Variants in LPCAT2 observed in about 807,000 individuals in gnomAD.
The protein encoded by LPCAT2 is 1-AGP acyltransferase 11.
LPCAT2 carries 58 observed loss-of-function variants against 64.7 expected under a neutral mutation model. The ratio of observed to expected loss-of-function variants is 0.90; its 90% confidence interval spans 0.73 to 1.12. LPCAT2 has a LOEUF of 1.12. LPCAT2 is among the 50% of genes most tolerant of loss of function. LPCAT2 has a pLI of 0.00. For synonymous variants in LPCAT2, 252 were observed against 245.3 expected (o/e 1.03, Z -0.26); for missense variants, 579 against 669.8 (o/e 0.86, Z 1.50).
At chr16:55,579,534 A>G (rs1963866781) in intron 13 of LPCAT2, among the ~76,000 whole-genome samples, 1 of 152,310 alleles carries the variant, frequency 6.6e-6, no homozygotes, top group South Asian at 2.1e-4. Context: ...CTAAGATACA[A>G]AGACTTTAAG....
intron 1 of LPCAT2, among the ~76,000 whole-genome samples, chr16:55,514,461 C>A (rs1205794981): frequency 6.6e-6 from 1 of 152,154 alleles, no homozygotes; most frequent in South Asian, 2.1e-4. Context: ...TAATTATTAG[C>A]TGATTACTAA....
Position 55,542,923 on chromosome 16 carries a change from G to T in LPCAT2, c.853-2812G>T, listed in dbSNP as rs943118876. On this transcript the variant is annotated intron_variant, in intron 8 of 13. Transcript: ENST00000262134. ...GTGAGTAATGAGGATACTGAGAGAA[G>T]ATGAAGTTAGAAAGGAAAACTTGGG... Among the ~76,000 whole-genome samples, 5 of 152,290 alleles carry T rather than the reference G, an allele frequency of 3.3e-5. No homozygotes were observed. The South Asian group carries it at 1.0e-3, about 32-fold the overall frequency.
intron 13 of LPCAT2, among the ~76,000 whole-genome samples, chr16:55,580,306 A>G (rs1172523817): frequency 1.3e-5 from 2 of 152,314 alleles, no homozygotes; most frequent in East Asian, 1.9e-4. Context: ...GATGAAACTT[A>G]TGAGTCATAA....
At chr16:55,533,787 C>A (rs1162482471) in intron 6 of LPCAT2, among the ~76,000 whole-genome samples, 1 of 151,970 alleles carries the variant, frequency 6.6e-6, no homozygotes, top group Non-Finnish European at 1.5e-5. Context: ...TTGTTGTCCT[C>A]TAAATATTGA....
chr16:55,522,407 A>G (rs527289917), intron 1 of LPCAT2, among the ~76,000 whole-genome samples: 1 of 151,834 alleles, frequency 6.6e-6, no homozygotes, highest in Non-Finnish European at 1.5e-5. Flanking sequence ...ATTTCCTCCA[A>G]ATTGATCTGT....
At chr16:55,572,482 C>G (rs1270667878) in intron 11 of LPCAT2, among the ~76,000 whole-genome samples, 3 of 152,136 alleles carry the variant, frequency 2.0e-5, no homozygotes, top group Non-Finnish European at 2.9e-5. Context: ...AGCCATGGTT[C>G]AAGAAGCTCC....
intron 8 of LPCAT2, chr16:55,541,912 T>G (rs919423503): frequency 8.6e-6 from 11 of 1,285,108 alleles, no homozygotes; most frequent in Non-Finnish European, 1.1e-5. Flanking sequence ...TTTTTTCTCT[T>G]CGAAGATTTA....
intron 11 of LPCAT2, among the ~76,000 whole-genome samples, chr16:55,573,783 T>G (rs1375414618): frequency 6.6e-6 from 1 of 152,038 alleles, no homozygotes; most frequent in Non-Finnish European, 1.5e-5. Flanking sequence ...CTCTTTCTTT[T>G]TTAGTTCTCT....
At chr16:55,511,845 CTCTT>C (rs1322100158) in intron 1 of LPCAT2, among the ~76,000 whole-genome samples, 2 of 152,198 alleles carry the variant, frequency 1.3e-5, no homozygotes, top group African/African-American at 2.4e-5. Context: ...CTCATTCCAA[CTCTT>C]TCTTCAGGGT....
At chr16:55,529,649 T>A (rs995731058) in intron 3 of LPCAT2, among the ~76,000 whole-genome samples, 186 bp from the exon 4 acceptor site, 1 of 152,218 alleles carries the variant, frequency 6.6e-6, no homozygotes, top group South Asian at 2.1e-4. Context: ...ATTAATGAAA[T>A]GTTTTTAGTT....
intron 11 of LPCAT2, among the ~76,000 whole-genome samples, chr16:55,565,232 A>C (rs1963680018): frequency 6.6e-6 from 1 of 152,118 alleles, no homozygotes; most frequent in Non-Finnish European, 1.5e-5. Context: ...CATATGGAGT[A>C]ATTGGAACTC....
intron 8 of LPCAT2, chr16:55,538,984 GT>G: frequency 6.6e-6 from 1 of 151,986 alleles, no homozygotes; most frequent in South Asian, 2.1e-4. Flanking sequence ...GTCTAGGCCT[GT>G]TTCACTTTTC....
At chr16:55,548,480 T>C (rs1355083261) in intron 9 of LPCAT2, among the ~76,000 whole-genome samples, 2 of 152,156 alleles carry the variant, frequency 1.3e-5, no homozygotes, top group Non-Finnish European at 2.9e-5. Context: ...TTTGGATAGA[T>C]TGTTTACTTA....
At chr16:55,545,413 A>C (rs138551481) in intron 8 of LPCAT2, 217 of 205,136 alleles carry the variant, frequency 1.1e-3, no homozygotes, top group Non-Finnish European at 1.5e-3. Context: ...GAAAGATCTT[A>C]GTAGCTACAG....
chr16:55,574,773 C>G (rs1220208233), intron 12 of LPCAT2, 44 bp downstream of exon 12: 1 of 1,324,098 alleles, frequency 7.6e-7, no homozygotes, highest in Non-Finnish European at 1.1e-6. Context: ...GCCTTGTAAA[C>G]AAGTGTTGAC....
intron 1 of LPCAT2, among the ~76,000 whole-genome samples, chr16:55,521,151 G>A (rs2142393150): frequency 6.6e-6 from 1 of 151,792 alleles, no homozygotes; most frequent in East Asian, 1.9e-4. Context: ...CCAGTATCAA[G>A]AATGAAACAG....
rs1460507871 is a variant in LPCAT2, at chr16:55,583,909, C to T, written c.*811C>T. Reference sequence around the variant, plus strand: ...TGTTGGCCAGGCTGGTTTCGAACTCCTGACCTCAGGTGATCCACCCACCTC... The same window carrying T: ...TGTTGGCCAGGCTGGTTTCGAACTCTTGACCTCAGGTGATCCACCCACCTC... On this transcript the variant is annotated 3_prime_UTR_variant, in exon 14 of 14. Transcript: ENST00000262134. 2 of 152,214 alleles carry T rather than the reference C, an allele frequency of 1.3e-5. No homozygotes were observed. Among genetic ancestry groups the T allele is most frequent in the Non-Finnish European group, 2.9e-5 (2 of 68,090 alleles). The allele number at this position is 152,214 out of a possible 1,614,324, so 9.4% of individuals were successfully genotyped here.
intron 1 of LPCAT2, among the ~76,000 whole-genome samples, chr16:55,519,508 CAAAAAA>C (rs34058877): frequency 8.1e-6 from 1 of 123,756 alleles, no homozygotes; most frequent in African/African-American, 3.2e-5. Context: ...GACTCCATCA[CAAAAAA>C]AAAAAGAAAG....
At chr16:55,532,103 TAACGTTGTGGATCC>T (rs1963261989) in intron 5 of LPCAT2, 129 bp downstream of exon 5, 6 of 647,532 alleles carry the variant, frequency 9.3e-6, no homozygotes, top group Non-Finnish European at 1.7e-5. Flanking sequence ...AGCAACTTTT[TAACGTTGTGGATCC>T]ACAGAACTTA....
Sources: allele counts gnomAD v4.1 joint callset (sites outside exome capture counted in the v4.1 genomes callset), GRCh38; gene constraint gnomAD v4.1.1; transcripts MANE v1.5; gene names NCBI Gene and HGNC (gene_info 2026-07-23, HGNC 2026-07-21).